GABRG3: variants seen among roughly 807,000 people sequenced by gnomAD.
The protein encoded by GABRG3 is gamma-aminobutyric acid receptor subunit gamma-3.
A neutral mutation model predicts 48.8 loss-of-function variants in GABRG3; 25 were observed. That is an observed-to-expected ratio of 0.51 (90% CI 0.37 to 0.72). GABRG3 has a LOEUF of 0.72. Ranked by LOEUF, GABRG3 falls within the 30% of genes least tolerant of loss-of-function variation. GABRG3 has a pLI of 0.00. For missense variants in GABRG3, 394 were observed against 577.9 expected (o/e 0.68, Z 3.26); for synonymous variants, 227 against 217.6 (o/e 1.04, Z -0.38).
intron 3 of GABRG3, among the ~76,000 whole-genome samples, chr15:27,029,393 C>T (rs928297315): frequency 7.9e-5 from 12 of 152,200 alleles, no homozygotes; most frequent in Admixed American, 2.0e-4. Flanking sequence ...TAGCCTACCT[C>T]GGCTCAGCAA....
intron 3 of GABRG3, among the ~76,000 whole-genome samples, chr15:27,072,240 C>T (rs1221800188): frequency 3.9e-5 from 6 of 152,252 alleles, no homozygotes; most frequent in Admixed American, 1.3e-4. Context: ...TTTCATATTA[C>T]GAATGGAATT....
intron 2 of GABRG3, among the ~76,000 whole-genome samples, chr15:26,982,894 G>A (rs972702638): frequency 2.6e-5 from 4 of 152,170 alleles, no homozygotes; most frequent in African/African-American, 9.7e-5. Context: ...GGGCAGCAGA[G>A]GGGGCTGATG....
intron 3 of GABRG3, among the ~76,000 whole-genome samples, chr15:27,162,683 C>T (rs532140523): frequency 1.3e-5 from 2 of 152,198 alleles, no homozygotes; most frequent in East Asian, 3.9e-4. Flanking sequence ...AGAGACTGGA[C>T]TGGGCCTGCT....
At chr15:27,052,263 G>A (rs757151487) in intron 3 of GABRG3, among the ~76,000 whole-genome samples, 1 of 152,140 alleles carries the variant, frequency 6.6e-6, no homozygotes, top group African/African-American at 2.4e-5. Flanking sequence ...GCTGAGTTAC[G>A]TTGATCACAA....
Position 27,486,498 on chromosome 15 carries a change from GTGTT to G in GABRG3, c.712+5713_712+5716del, listed in dbSNP as rs200753255. Among the ~76,000 whole-genome samples the G allele has an allele frequency of 7.1e-3, 1,084 of 152,266 alleles. 25 individuals are homozygous for G. The highest frequency in any genetic ancestry group is 0.048 in the South Asian group (230 of 4,822). ...CTATATATGAAGTTTTTGATACTGT[GTGTT>G]TAACATTCCAGCTAATTAAAAAATA... On this transcript the variant is annotated intron_variant, in intron 6 of 9. Transcript: ENST00000615808.
At chr15:27,228,571 G>T (rs1310779801) in intron 3 of GABRG3, among the ~76,000 whole-genome samples, 1 of 152,180 alleles carries the variant, frequency 6.6e-6, no homozygotes, top group Non-Finnish European at 1.5e-5. Flanking sequence ...ATTCCTCTGG[G>T]TATATACCCA....
chr15:27,267,804 G>A (rs752613162), intron 3 of GABRG3, among the ~76,000 whole-genome samples: 2 of 151,974 alleles, frequency 1.3e-5, no homozygotes, highest in Non-Finnish European at 2.9e-5. Flanking sequence ...TCCTTTTTTA[G>A]TTTATTAATA....
chr15:27,220,670 C>G (rs1359047196), intron 3 of GABRG3, among the ~76,000 whole-genome samples: 1 of 152,180 alleles, frequency 6.6e-6, no homozygotes, highest in Non-Finnish European at 1.5e-5. Flanking sequence ...CCTAGAACAT[C>G]TGCAACTCTA....
At chr15:27,265,302 C>G (rs945942637) in intron 3 of GABRG3, among the ~76,000 whole-genome samples, 1 of 152,078 alleles carries the variant, frequency 6.6e-6, no homozygotes. Context: ...GAAAATGAAA[C>G]GCAAAAACAA....
At chr15:27,074,045 T>G (rs1415587719) in intron 3 of GABRG3, among the ~76,000 whole-genome samples, 1 of 152,146 alleles carries the variant, frequency 6.6e-6, no homozygotes, top group South Asian at 2.1e-4. Flanking sequence ...CCATCTTACA[T>G]GGATGGCAGC....
intron 2 of GABRG3, among the ~76,000 whole-genome samples, chr15:27,004,692 T>C (rs1212905583): frequency 6.6e-6 from 1 of 152,254 alleles, no homozygotes; most frequent in Non-Finnish European, 1.5e-5. Context: ...TTAAACTGCA[T>C]CTTGATTGTT....
At chr15:27,374,730 CT>C (rs1384362655) in intron 5 of GABRG3, among the ~76,000 whole-genome samples, 1 of 152,128 alleles carries the variant, frequency 6.6e-6, no homozygotes, top group Non-Finnish European at 1.5e-5. Flanking sequence ...TGGACCACAC[CT>C]CAGAGTTATC....
In GABRG3 at chr15:26,976,010, A is replaced by G. The variant is rs1313992247; in HGVS notation, c.54-992A>G. Among the ~76,000 whole-genome samples, 1 of 152,202 alleles carries G rather than the reference A, an allele frequency of 6.6e-6. No homozygotes were observed. The highest frequency in any genetic ancestry group is 1.5e-5 in the Non-Finnish European group (1 of 68,034). On this transcript the variant is annotated intron_variant, in intron 1 of 9. Coordinates refer to ENST00000615808, the MANE Select transcript of GABRG3 (RefSeq NM_033223.5). The surrounding 1 kb of genome is among the most constrained non-coding windows in gnomAD (Gnocchi z 7.8). ...AGAGACTGTCTGCTCTCCAAGCCCA[A>G]ATAACTATGGTGTTGAGACGGCCTC...
At chr15:27,368,495 A>C (rs1006257073) in intron 5 of GABRG3, among the ~76,000 whole-genome samples, 1 of 152,250 alleles carries the variant, frequency 6.6e-6, no homozygotes, top group Admixed American at 6.5e-5. Context: ...GAATAATTAT[A>C]ATAAGAACAC....
chr15:27,423,242 TAAAAAA>T (rs58007397), intron 5 of GABRG3, among the ~76,000 whole-genome samples: 1,514 of 74,760 alleles, frequency 0.02, 25 homozygotes, highest in African/African-American at 0.068. Context: ...GTCATTATGA[TAAAAAA>T]AAAAAAAAAA....
intron 3 of GABRG3, among the ~76,000 whole-genome samples, chr15:27,075,566 G>A (rs1273050605): frequency 6.6e-6 from 1 of 152,058 alleles, no homozygotes; most frequent in Non-Finnish European, 1.5e-5. Flanking sequence ...GTTTATATAA[G>A]AAATTCATTC....
intron 3 of GABRG3, among the ~76,000 whole-genome samples, chr15:27,266,184 T>A (rs75055963): frequency 7.7e-5 from 2 of 25,876 alleles, no homozygotes; most frequent in African/African-American, 1.3e-4. Context: ...CTGGACCTGA[T>A]TTTTTTTTTC....
intron 5 of GABRG3, among the ~76,000 whole-genome samples, chr15:27,360,691 C>T (rs2140545896): frequency 6.6e-6 from 1 of 152,302 alleles, no homozygotes; most frequent in South Asian, 2.1e-4. Context: ...CCCCTGCAGC[C>T]TCTACATAAG....
At chr15:27,262,513 G>A (rs1320410510) in intron 3 of GABRG3, among the ~76,000 whole-genome samples, 1 of 152,114 alleles carries the variant, frequency 6.6e-6, no homozygotes, top group African/African-American at 2.4e-5. Flanking sequence ...CTTTCTCATT[G>A]CCGCCCCTAC....
Sources: gnomAD v4.1 joint callset for allele counts (sites outside exome capture counted in the v4.1 genomes callset) on GRCh38, gnomAD v4.1.1 for gene constraint, Gnocchi (gnomAD v3.1) non-coding constraint, MANE v1.5 for transcripts, NCBI Gene and HGNC (gene_info 2026-07-23, HGNC 2026-07-21) for gene names.